Variants in ADCY8 observed in about 807,000 individuals in gnomAD.
ADCY8 encodes the protein adenylate cyclase 8.
ADCY8 carries 51 observed loss-of-function variants against 119.7 expected under a neutral mutation model. The ratio of observed to expected loss-of-function variants is 0.43; its 90% confidence interval spans 0.34 to 0.54. ADCY8 has a LOEUF of 0.54. Ranked by LOEUF, ADCY8 falls within the 20% of genes least tolerant of loss-of-function variation. ADCY8 has a pLI of 0.03. For synonymous variants in ADCY8, 665 were observed against 651.0 expected (o/e 1.02, Z -0.33); for missense variants, 1,383 against 1,598.8 (o/e 0.87, Z 2.30).
At chr8:130,875,466 T>C (rs1419692605) in intron 8 of ADCY8, among the ~76,000 whole-genome samples, 2 of 152,234 alleles carry the variant, frequency 1.3e-5, no homozygotes, top group African/African-American at 4.8e-5. Flanking sequence ...TCATGCTTCA[T>C]GTTCCCATTT....
chr8:130,826,526 A>G (rs974368055), intron 12 of ADCY8, among the ~76,000 whole-genome samples: 4 of 152,134 alleles, frequency 2.6e-5, no homozygotes, highest in African/African-American at 7.2e-5. Flanking sequence ...CCTAGATACT[A>G]TCTATTCTAA....
chr8:130,915,513 C>T (rs1057130541), intron 5 of ADCY8, among the ~76,000 whole-genome samples: 35 of 152,096 alleles, frequency 2.3e-4, no homozygotes, highest in African/African-American at 8.2e-4. Flanking sequence ...CACACTTCTC[C>T]ATTTACTGCT....
At chr8:130,803,130 G>A (rs1431316253) in intron 14 of ADCY8, among the ~76,000 whole-genome samples, 1 of 152,178 alleles carries the variant, frequency 6.6e-6, no homozygotes, top group Non-Finnish European at 1.5e-5. Context: ...CCCAAACAAA[G>A]ACACAAACCC....
rs1010056863 is a variant in ADCY8 at position 131,011,146 on chromosome 8, A to C, written c.961-20604T>G. Among the ~76,000 whole-genome samples the C allele has an allele frequency of 2.7e-5, 4 of 150,034 alleles. No homozygotes were observed. The East Asian group carries it at 7.9e-4, about 30-fold the overall frequency. On this transcript the variant is annotated intron_variant, in intron 1 of 17. Transcript: ENST00000286355. The stretch of plus-strand genomic sequence containing the variant: ...GCCCCTGGCAGAGTAGTTAGCAATG[A>C]AAGGTGCATATTAAAAGTTTATTGA...
At chr8:130,992,964 C>T (rs6988204) in intron 1 of ADCY8, among the ~76,000 whole-genome samples, 1 of 151,780 alleles carries the variant, frequency 6.6e-6, no homozygotes, top group Non-Finnish European at 1.5e-5. Context: ...CATCATAATC[C>T]AAATGCTAAA....
chr8:130,965,081 C>G (rs1416746270), intron 2 of ADCY8, among the ~76,000 whole-genome samples: 1 of 152,134 alleles, frequency 6.6e-6, no homozygotes, highest in Non-Finnish European at 1.5e-5. Flanking sequence ...AGATCTTTGT[C>G]AGATGCATAG....
chr8:131,003,079 T>C (rs941620131), intron 1 of ADCY8, among the ~76,000 whole-genome samples: 2 of 152,082 alleles, frequency 1.3e-5, no homozygotes, highest in African/African-American at 4.8e-5. Context: ...TGGATGCCTA[T>C]AATCCCAGCT....
Position 131,015,631 on chromosome 8 carries a change from C to T in ADCY8, c.960+23743G>A, listed in dbSNP as rs74955943. On this transcript the variant is annotated intron_variant, in intron 1 of 17. Transcript: ENST00000286355. Reference sequence around the variant, plus strand: ...CTAAACAATTCATAGCTTTATCCAGCTGTTACTACTCTAAAAATAGTAGTT... The same window carrying T: ...CTAAACAATTCATAGCTTTATCCAGTTGTTACTACTCTAAAAATAGTAGTT... Among the ~76,000 whole-genome samples, 12 of 152,268 alleles carry T rather than the reference C, an allele frequency of 7.9e-5. No individual in the cohort carries two copies. In the East Asian group the frequency reaches 2.3e-3, roughly 29 times the overall value.
At chr8:130,965,067 T>C (rs1267353080) in intron 2 of ADCY8, among the ~76,000 whole-genome samples, 2 of 152,226 alleles carry the variant, frequency 1.3e-5, no homozygotes, top group African/African-American at 4.8e-5. Flanking sequence ...AGATTCTGGA[T>C]ATTAGATCTT....
In ADCY8 at chr8:130,903,901, C is replaced by T. The variant is rs753193679; in HGVS notation, c.1782G>A (p.Leu594=). The T allele has an allele frequency of 3.1e-6, 5 of 1,614,176 alleles. No homozygotes were observed. The highest frequency in any genetic ancestry group is 4.2e-6 in the Non-Finnish European group (5 of 1,180,030). ...TYLIKQPEDS[L]LSLPEDIVKE... ...TGACGATATCTTCAGGCAAGGACAGCAGACTGTCCTCAGGCTGCTTAATTA... is the reference window on the plus strand; with the variant it reads ...TGACGATATCTTCAGGCAAGGACAGTAGACTGTCCTCAGGCTGCTTAATTA... The change falls in exon 7 of 18, where the codon CTG becomes CTA. Residue 594 remains leucine, a synonymous_variant. Coordinates refer to ENST00000286355, the MANE Select transcript of ADCY8 (RefSeq NM_001115.3).
intron 1 of ADCY8, among the ~76,000 whole-genome samples, chr8:131,026,628 C>T (rs956851363): frequency 4.6e-5 from 7 of 152,100 alleles, no homozygotes; most frequent in Non-Finnish European, 1.0e-4. Flanking sequence ...GGGTCCTCCT[C>T]CTAAATCCAA....
At chr8:131,022,820 C>T (rs1048409576) in intron 1 of ADCY8, among the ~76,000 whole-genome samples, 1 of 152,162 alleles carries the variant, frequency 6.6e-6, no homozygotes, top group Non-Finnish European at 1.5e-5. Context: ...TAAGTGGCTC[C>T]AGGGTAGAAC....
At chr8:130,877,390 A>C (rs1447045843) in intron 8 of ADCY8, among the ~76,000 whole-genome samples, 2 of 152,080 alleles carry the variant, frequency 1.3e-5, no homozygotes, top group African/African-American at 4.8e-5. Context: ...CAGAATCCAA[A>C]CCAAGCATAC....
intron 15 of ADCY8, among the ~76,000 whole-genome samples, chr8:130,799,722 G>C (rs1483613820): frequency 1.3e-5 from 2 of 152,238 alleles, no homozygotes; most frequent in African/African-American, 2.4e-5. Context: ...GCCTCAGTGT[G>C]AGACAGTTGT....
chr8:130,921,799 A>G (rs983310017), intron 5 of ADCY8, among the ~76,000 whole-genome samples: 3 of 151,884 alleles, frequency 2.0e-5, no homozygotes, highest in African/African-American at 7.3e-5. Context: ...TTATATAATC[A>G]TTTCCGTACC....
At chr8:130,955,248 A>T in intron 2 of ADCY8, among the ~76,000 whole-genome samples, 1 of 152,226 alleles carries the variant, frequency 6.6e-6, no homozygotes, top group East Asian at 1.9e-4. Context: ...AGCTTCATAT[A>T]TAATTTCATA....
rs112741238 is a variant in ADCY8 at position 130,955,309 on chromosome 8, C to A, written c.1111-3311G>T. ...GAAATAACTCATTGTAGATGAACAA[C>A]TGAGAAAATGAAGTCTCGGAGAAGT... On this transcript the variant is annotated intron_variant, in intron 2 of 17. Coordinates refer to ENST00000286355, the MANE Select transcript of ADCY8 (RefSeq NM_001115.3). Among the ~76,000 whole-genome samples the A allele has an allele frequency of 7.7e-3, 1,173 of 152,188 alleles. 20 individuals carry two copies. The highest frequency in any genetic ancestry group is 0.026 in the African/African-American group (1,086 of 41,510).
chr8:131,003,214 A>ACACACACACACG (rs1823008950), intron 1 of ADCY8, among the ~76,000 whole-genome samples: 1 of 151,706 alleles, frequency 6.6e-6, no homozygotes, highest in African/African-American at 2.4e-5. Flanking sequence ...CATCACACAC[A>ACACACACACACG]CACACACACA....
At chr8:130,973,260 C>T (rs1462367515) in intron 2 of ADCY8, among the ~76,000 whole-genome samples, 2 of 152,196 alleles carry the variant, frequency 1.3e-5, no homozygotes, top group Non-Finnish European at 2.9e-5. Flanking sequence ...ATAATAATTC[C>T]TTTTGGCTAA....
Sources: gnomAD v4.1 joint callset for allele counts (sites outside exome capture counted in the v4.1 genomes callset) on GRCh38, gnomAD v4.1.1 for gene constraint, MANE v1.5 for transcripts, NCBI Gene and HGNC (gene_info 2026-07-23, HGNC 2026-07-21) for gene names.